IFNAR1: variants seen among roughly 807,000 people sequenced by gnomAD.
IFNAR1 encodes interferon alpha/beta receptor 1.
Under a neutral mutation model 62.1 loss-of-function variants are expected in IFNAR1, and 47 were observed. The observed-to-expected ratio is 0.76, with a 90% CI of 0.60 to 0.97. IFNAR1 has a LOEUF of 0.97. IFNAR1 is among the 50% of genes least tolerant of loss of function. IFNAR1 has a pLI of 0.00. For missense variants in IFNAR1, 638 were observed against 654.5 expected (o/e 0.97, Z 0.27); for synonymous variants, 219 against 226.9 (o/e 0.97, Z 0.31).
intron 6 of IFNAR1, among the ~76,000 whole-genome samples, chr21:33,348,820 A>T (rs1435272838): frequency 1.3e-5 from 2 of 152,144 alleles, no homozygotes; most frequent in Non-Finnish European, 2.9e-5. Context: ...AAGCCAAAAA[A>T]AATAAACCAG....
At chr21:33,341,794 G>A (rs2083294804) in intron 3 of IFNAR1, among the ~76,000 whole-genome samples, 2 of 151,748 alleles carry the variant, frequency 1.3e-5, no homozygotes, top group South Asian at 4.2e-4. Flanking sequence ...TGACTCTCCC[G>A]CCTCAGCCTC....
chr21:33,330,648 CA>C (rs2083168656), intron 1 of IFNAR1, among the ~76,000 whole-genome samples: 1 of 152,110 alleles, frequency 6.6e-6, no homozygotes, highest in African/African-American at 2.4e-5. Context: ...AACAAATAAA[CA>C]ACTACATTTT....
rs541118780 is a variant in IFNAR1 at position 33,344,359 on chromosome 21, C to T, written c.673+683C>T. 5.9e-5 allele frequency among the ~76,000 whole-genome samples: 9 copies of T among 152,052 alleles called. No homozygotes were observed. The South Asian group carries it at 1.7e-3, about 28-fold the overall frequency. Reference sequence around the variant, plus strand: ...GTTAAAATATGAAAGTATCCTGATACATTTAGTAACATCTTTCCAATAATT... The same window carrying T: ...GTTAAAATATGAAAGTATCCTGATATATTTAGTAACATCTTTCCAATAATT... On this transcript the variant is annotated intron_variant, in intron 5 of 10. Coordinates refer to ENST00000270139, the MANE Select transcript of IFNAR1 (RefSeq NM_000629.3).
intron 1 of IFNAR1, 23 bp from the exon 2 acceptor site, chr21:33,335,501 C>T (rs750277944): frequency 1.4e-6 from 2 of 1,436,534 alleles, no homozygotes; most frequent in Non-Finnish European, 1.9e-6. Context: ...ATATAATGTT[C>T]TTATTTCTTG....
intron 2 of IFNAR1, among the ~76,000 whole-genome samples, chr21:33,339,775 A>G (rs1464122118): frequency 1.3e-5 from 2 of 151,812 alleles, no homozygotes; most frequent in Non-Finnish European, 2.9e-5. Flanking sequence ...AAAAAATACA[A>G]AAATTAGCCA....
intron 1 of IFNAR1, among the ~76,000 whole-genome samples, chr21:33,333,214 C>G (rs2083198006): frequency 6.6e-6 from 1 of 152,156 alleles, no homozygotes; most frequent in African/African-American, 2.4e-5. Flanking sequence ...CTCAAACAGC[C>G]AAGAATGCTA....
At position 33,335,556 on chromosome 21, in the gene IFNAR1, G is replaced by A. The variant is rs764413583; in HGVS notation, c.109G>A (p.Glu37Lys). 7 of 1,602,722 alleles carry A rather than the reference G, an allele frequency of 4.4e-6. No individual in the cohort carries two copies. The Admixed American group carries it at 1.0e-4, about 23-fold the overall frequency. The change falls in exon 2 of 11, where the codon GAG (glutamate) becomes AAG (lysine). Residue 37 changes from glutamate to lysine, a missense_variant. Glu to Lys is a moderately conservative substitution (Grantham distance 56). Coordinates refer to ENST00000270139, the MANE Select transcript of IFNAR1 (RefSeq NM_000629.3). ...GKNLKSPQKV[E>K]VDIIDDNFIL... ...AAATCTAAAATCTCCTCAAAAAGTAGAGGTCGACATCATAGATGACAACTT... is the reference window on the plus strand; with the variant it reads ...AAATCTAAAATCTCCTCAAAAAGTAAAGGTCGACATCATAGATGACAACTT...
intron 2 of IFNAR1, among the ~76,000 whole-genome samples, chr21:33,337,667 AC>A (rs1261445244): frequency 6.6e-6 from 1 of 151,944 alleles, no homozygotes; most frequent in African/African-American, 2.4e-5. Flanking sequence ...TATATACATT[AC>A]ACTATATATA....
chr21:33,342,782 G>A (rs561599944), intron 3 of IFNAR1, among the ~76,000 whole-genome samples: 20 of 151,540 alleles, frequency 1.3e-4, no homozygotes, highest in South Asian at 2.1e-4. Flanking sequence ...ACATGAACCC[G>A]GGAGGCGGAG....
chr21:33,352,196 A>G (rs574817153), intron 8 of IFNAR1, among the ~76,000 whole-genome samples: 178 of 152,298 alleles, frequency 1.2e-3, no homozygotes, highest in African/African-American at 3.9e-3. Context: ...TACAATGGCA[A>G]TTACCCCAGA....
intron 1 of IFNAR1, among the ~76,000 whole-genome samples, chr21:33,330,243 G>A (rs180807836): frequency 9.1e-4 from 139 of 152,246 alleles, no homozygotes; most frequent in Non-Finnish European, 1.5e-3. Flanking sequence ...TCACAAAAGC[G>A]CAAAGAGATG....
chr21:33,342,749 C>T (rs1021303247), intron 3 of IFNAR1, among the ~76,000 whole-genome samples: 2 of 150,866 alleles, frequency 1.3e-5, no homozygotes, highest in African/African-American at 2.4e-5. Flanking sequence ...CCCAGCTACT[C>T]GGGAGGCTGA....
At chr21:33,325,826 A>G (rs1185227470) in intron 1 of IFNAR1, among the ~76,000 whole-genome samples, 1 of 152,186 alleles carries the variant, frequency 6.6e-6, no homozygotes, top group African/African-American at 2.4e-5. Context: ...GAGTAAAGGG[A>G]GTCAGTTATG....
At chr21:33,345,032 T>C (rs547354539) in intron 5 of IFNAR1, among the ~76,000 whole-genome samples, 5 of 152,168 alleles carry the variant, frequency 3.3e-5, no homozygotes. Context: ...AGGTGATCCA[T>C]CCACCTCAGC....
Position 33,341,013 on chromosome 21 carries a change from A to G in IFNAR1, c.215A>G (p.Asn72Ser). Reference sequence around the variant, plus strand: ...TTACTTTAAAGAACTGGGATGGATAATTGGATAAAATTGTCTGGGTGTCAG... The same window carrying G: ...TTACTTTAAAGAACTGGGATGGATAGTTGGATAAAATTGTCTGGGTGTCAG... ...SFDYQKTGMD[N>S]WIKLSGCQNI... The change falls in exon 3 of 11, where the codon AAT becomes AGT. Residue 72 changes from asparagine to serine, a missense_variant. Coordinates refer to ENST00000270139, the MANE Select transcript of IFNAR1 (RefSeq NM_000629.3). 1 of 1,608,554 alleles carries G rather than the reference A, an allele frequency of 6.2e-7. No homozygotes were observed.
At position 33,343,282 on chromosome 21, in the gene IFNAR1, C is replaced by T; in HGVS notation, c.391C>T (p.Pro131Ser). The change falls in exon 4 of 11, where the codon CCA becomes TCA. Residue 131 changes from proline (P) to serine (S), a missense_variant. Physicochemically the swap from Pro to Ser is moderately conservative, Grantham distance 74. Coordinates refer to ENST00000270139, the MANE Select transcript of IFNAR1 (RefSeq NM_000629.3). ...TTTTTTTGCAGCTCAGATTGGTCCT[C>T]CAGAAGTACATTTAGAAGCTGAAGA... ...TPFRKAQIGP[P>S]EVHLEAEDKA... The T allele has an allele frequency of 1.2e-6, 2 of 1,612,536 alleles. No individual in the cohort carries two copies. The highest frequency in any genetic ancestry group is 1.7e-6 in the Non-Finnish European group (2 of 1,179,362).
chr21:33,330,260 T>G (rs978590600), intron 1 of IFNAR1, among the ~76,000 whole-genome samples: 1 of 152,200 alleles, frequency 6.6e-6, no homozygotes, highest in African/African-American at 2.4e-5. Flanking sequence ...GATGGGCGGT[T>G]GTTGTTGTTA....
chr21:33,341,662 A>T (rs1264120343), intron 3 of IFNAR1, among the ~76,000 whole-genome samples: 1 of 152,156 alleles, frequency 6.6e-6, no homozygotes, highest in Admixed American at 6.6e-5. Flanking sequence ...TTACCATAAA[A>T]TAGGTTTATC....
upstream of IFNAR1, chr21:33,324,771 T>C (rs2083106619): frequency 2.1e-6 from 1 of 482,834 alleles, no homozygotes; most frequent in Non-Finnish European, 3.8e-6. Flanking sequence ...AGGCCTGCGA[T>C]TTCTAAGGCG....
Sources: allele counts gnomAD v4.1 joint callset (sites outside exome capture counted in the v4.1 genomes callset), GRCh38; gene constraint gnomAD v4.1.1; transcripts MANE v1.5; gene names NCBI Gene and HGNC (gene_info 2026-07-23, HGNC 2026-07-21).